Variants in COL6A6 observed in about 807,000 individuals in gnomAD.
The protein encoded by COL6A6 is collagen type VI alpha 6 chain.
In COL6A6, 183 loss-of-function variants were observed where a neutral mutation model predicts 208.6. That is an observed-to-expected ratio of 0.88 (90% CI 0.78 to 0.99). The LOEUF (loss-of-function observed/expected upper bound fraction) is 0.99, where lower values mean the gene tolerates loss of function less well. COL6A6 is among the 50% of genes least tolerant of loss of function. The probability of loss-of-function intolerance (pLI) is 0.00; values close to 1 mark genes in which losing one functional copy is unlikely to be tolerated. For synonymous variants in COL6A6, 973 were observed against 1,011.8 expected (o/e 0.96, Z 0.73); for missense variants, 2,816 against 2,815.2 (o/e 1.00, Z -0.01).
At chr3:130,560,272 T>C in intron 1 of COL6A6, 62 bp from the exon 2 acceptor site, 1 of 1,016,278 alleles carries the variant, frequency 9.8e-7, no homozygotes, top group Non-Finnish European at 1.5e-6. Context: ...TATGCTCTTG[T>C]ATGTGAGTCT....
Position 130,675,411 on chromosome 3 carries a change from C to A in COL6A6, c.*14C>A, listed in dbSNP as rs2066335300. 1.2e-5 allele frequency: 18 copies of A among 1,548,328 alleles called. No individual in the cohort carries two copies. Among genetic ancestry groups the A allele is most frequent in the Non-Finnish European group, 1.6e-5 (18 of 1,146,896 alleles). ...CAACATGATTAAAAAAATGCTTGAA[C>A]AACTTAGCCTTAGGAAGCATGGTAA... On this transcript the variant is annotated 3_prime_UTR_variant, in exon 37 of 37. Coordinates refer to ENST00000358511, the MANE Select transcript of COL6A6 (RefSeq NM_001102608.3).
At chr3:130,582,145 TC>T in intron 10 of COL6A6, 77 bp downstream of exon 10, 1 of 911,164 alleles carries the variant, frequency 1.1e-6, no homozygotes, top group Non-Finnish European at 1.7e-6. Flanking sequence ...CTCTTAAATT[TC>T]CAGGCTCTTA....
At chr3:130,522,159 G>A (rs911385549) in intron 1 of COL6A6, among the ~76,000 whole-genome samples, 1 of 152,136 alleles carries the variant, frequency 6.6e-6, no homozygotes, top group Admixed American at 6.5e-5. Context: ...AGTAAATCAT[G>A]AATGGAATTC....
At chr3:130,675,060 C>G (rs2066325019) in intron 36 of COL6A6, 142 bp from the exon 37 acceptor site, 6 of 539,072 alleles carry the variant, frequency 1.1e-5, no homozygotes, top group Non-Finnish European at 1.3e-5. Context: ...TTTAAGTACC[C>G]AGTTTAATTT....
rs766350510 is a variant in COL6A6, at chr3:130,573,956, A to T, written c.2978A>T (p.Asp993Val). 7.5e-6 allele frequency: 12 copies of T among 1,591,542 alleles called. No individual in the cohort carries two copies. In the East Asian group the frequency reaches 2.5e-4, roughly 33 times the overall value. ...CTGTTGTTCCTTCTCTTCTTTGTAG[A>T]TTGTGAAATTGACAAAGTAGATCTT... is the stretch of plus-strand genomic sequence containing the variant. Reference protein sequence around the residue: ...TASVCNSSKVDCEIDKVDLVF... With the variant: ...TASVCNSSKVVCEIDKVDLVF... The change falls in exon 8 of 37, where the codon GAT becomes GTT. Residue 993 changes from aspartate (D) to valine (V), a missense_variant and splice_region_variant. Asp to Val is a radical substitution (Grantham distance 152, BLOSUM62 -3). Coordinates refer to ENST00000358511, the MANE Select transcript of COL6A6 (RefSeq NM_001102608.3).
intron 1 of COL6A6, among the ~76,000 whole-genome samples, chr3:130,542,898 C>CTTTTTTTTTTTTTTTTTTTTT (rs56339748): frequency 1.1e-5 from 1 of 92,614 alleles, no homozygotes; most frequent in African/African-American, 4.1e-5. Flanking sequence ...TCCATTCACT[C>CTTTTTTTTTTTTTTTTTTTTT]TTTTTTTTTT....
At chr3:130,565,691 A>G in intron 4 of COL6A6, 77 bp downstream of exon 4, 1 of 1,457,680 alleles carries the variant, frequency 6.9e-7, no homozygotes, top group African/African-American at 1.4e-5. Context: ...TACAAAGTGG[A>G]TTGGCTTGGG....
intron 23 of COL6A6, among the ~76,000 whole-genome samples, chr3:130,618,399 T>C (rs1168255290): frequency 1.3e-5 from 2 of 152,214 alleles, no homozygotes; most frequent in Non-Finnish European, 2.9e-5. Context: ...AAAATATGAA[T>C]GCTCAATAAA....
In COL6A6 at chr3:130,542,386, C is replaced by T. The variant is rs139032667; in HGVS notation, c.-31-17948C>T. Among the ~76,000 whole-genome samples the T allele has an allele frequency of 5.6e-3, 853 of 152,154 alleles. 3 individuals carry two copies. Among genetic ancestry groups the T allele is most frequent in the Middle Eastern group, 0.014 (4 of 294 alleles). On this transcript the variant is annotated intron_variant, in intron 1 of 36. Transcript: ENST00000358511. Reference sequence around the variant, plus strand: ...GTTTAATTCCATTGTCATGTGAGAGCAGACATTGTATGATTCCTGTTTTTT... The same window carrying T: ...GTTTAATTCCATTGTCATGTGAGAGTAGACATTGTATGATTCCTGTTTTTT...
intron 36 of COL6A6, among the ~76,000 whole-genome samples, chr3:130,673,372 A>T (rs561310096): frequency 6.6e-6 from 1 of 152,144 alleles, no homozygotes; most frequent in African/African-American, 2.4e-5. Context: ...AGCACTTACT[A>T]ATTTAACAAT....
chr3:130,638,562 T>G (rs2065221235), intron 28 of COL6A6, among the ~76,000 whole-genome samples: 1 of 152,208 alleles, frequency 6.6e-6, no homozygotes, highest in Non-Finnish European at 1.5e-5. Flanking sequence ...CAGACTCCTC[T>G]TGTTGGATTT....
At chr3:130,663,792 A>C (rs1045886676) in intron 35 of COL6A6, among the ~76,000 whole-genome samples, 1 of 152,244 alleles carries the variant, frequency 6.6e-6, no homozygotes, top group Non-Finnish European at 1.5e-5. Flanking sequence ...TGAGAGATAC[A>C]TAAAGTGCTT....
At chr3:130,576,760 A>G (rs561235858) in intron 8 of COL6A6, among the ~76,000 whole-genome samples, 16 of 152,326 alleles carry the variant, frequency 1.1e-4, no homozygotes, top group African/African-American at 3.8e-4. Flanking sequence ...CTGAGGACTG[A>G]TGAAGCTGGA....
At chr3:130,650,287 G>A (rs73198102) in intron 33 of COL6A6, among the ~76,000 whole-genome samples, 5 of 151,742 alleles carry the variant, frequency 3.3e-5, no homozygotes, top group Non-Finnish European at 7.4e-5. Context: ...GACCGTGAAG[G>A]GGGGGGCCAG....
Position 130,676,085 on chromosome 3 carries a change from GC to G in COL6A6, c.*693del, listed in dbSNP as rs1465343052. The G allele has an allele frequency of 5.3e-5, 8 of 152,140 alleles. No individual in the cohort carries two copies. Among genetic ancestry groups the G allele is most frequent in the African/African-American group, 1.9e-4 (8 of 41,436 alleles). The allele number at this position is 152,140 out of a possible 1,614,324, so 9.4% of individuals were successfully genotyped here. ...TACTGCCATTTTGATGGAGCTTGAA[GC>G]CCCCATTTTGATGGACTTCTAGTCT... On this transcript the variant is annotated 3_prime_UTR_variant, in exon 37 of 37. Coordinates refer to ENST00000358511, the MANE Select transcript of COL6A6 (RefSeq NM_001102608.3).
intron 1 of COL6A6, among the ~76,000 whole-genome samples, chr3:130,544,719 T>C (rs1406714494): frequency 1.3e-5 from 2 of 152,246 alleles, no homozygotes; most frequent in African/African-American, 2.4e-5. Flanking sequence ...TTTCTTATAA[T>C]AGCTATCCTA....
intron 13 of COL6A6, among the ~76,000 whole-genome samples, chr3:130,591,469 C>T (rs753338501): frequency 1.3e-5 from 2 of 152,196 alleles, no homozygotes; most frequent in Non-Finnish European, 2.9e-5. Flanking sequence ...TTCCTCCCAT[C>T]AATCCATCCA....
intron 1 of COL6A6, among the ~76,000 whole-genome samples, chr3:130,517,707 T>A (rs1041663492): frequency 6.6e-6 from 1 of 152,266 alleles, no homozygotes; most frequent in Non-Finnish European, 1.5e-5. Flanking sequence ...GGGCGCCTCC[T>A]GAGAGGTGCG....
chr3:130,624,867 C>T (rs1393402126), intron 24 of COL6A6, among the ~76,000 whole-genome samples: 1 of 152,164 alleles, frequency 6.6e-6, no homozygotes, highest in African/African-American at 2.4e-5. Context: ...ACACTTACCC[C>T]TACCTTACTC....
Sources: allele counts gnomAD v4.1 joint callset (sites outside exome capture counted in the v4.1 genomes callset), GRCh38; gene constraint gnomAD v4.1.1; transcripts MANE v1.5; gene names NCBI Gene and HGNC (gene_info 2026-07-23, HGNC 2026-07-21).